The following SCAPER variants were observed in gnomAD, a reference collection of about 807,000 sequenced individuals.
SCAPER encodes the protein S phase cyclin A-associated protein in the endoplasmic reticulum.
In SCAPER, 98 loss-of-function variants were observed where a neutral mutation model predicts 182.2. The observed-to-expected ratio is 0.54, with a 90% CI of 0.46 to 0.64. The LOEUF (loss-of-function observed/expected upper bound fraction) is 0.64. Among genes scored for constraint, SCAPER ranks in the 30% least tolerant of loss-of-function variants. The pLI, the probability that SCAPER is intolerant of heterozygous loss-of-function variation, is 0.00. For synonymous variants in SCAPER, 605 were observed against 564.6 expected (o/e 1.07, Z -1.01); for missense variants, 1,432 against 1,690.0 (o/e 0.85, Z 2.68).
At chr15:76,726,091 A>G (rs2151003262) in intron 17 of SCAPER, among the ~76,000 whole-genome samples, 1 of 138,670 alleles carries the variant, frequency 7.2e-6, no homozygotes, top group East Asian at 2.2e-4. Flanking sequence ...AAATATCAGT[A>G]AATTCTATCT....
intron 8 of SCAPER, among the ~76,000 whole-genome samples, chr15:76,780,214 C>T (rs2151379206): frequency 6.6e-6 from 1 of 152,350 alleles, no homozygotes; most frequent in South Asian, 2.1e-4. Context: ...ACTGGAAGAC[C>T]AGGAGATTCT....
intron 17 of SCAPER, among the ~76,000 whole-genome samples, chr15:76,728,323 C>G (rs2060713900): frequency 6.6e-6 from 1 of 151,928 alleles, no homozygotes; most frequent in South Asian, 2.1e-4. Flanking sequence ...TAATTATGCC[C>G]TCAGTATCTT....
intron 8 of SCAPER, among the ~76,000 whole-genome samples, chr15:76,784,151 A>G (rs2064393585): frequency 6.6e-6 from 1 of 152,218 alleles, no homozygotes; most frequent in African/African-American, 2.4e-5. Flanking sequence ...TCTCTGCCCA[A>G]AATCTCCTTA....
chr15:76,716,491 A>G (rs1316275806), intron 17 of SCAPER, among the ~76,000 whole-genome samples: 1 of 152,182 alleles, frequency 6.6e-6, no homozygotes, highest in East Asian at 1.9e-4. Flanking sequence ...AATTTTCTAA[A>G]AAGGAATTCA....
intron 23 of SCAPER, among the ~76,000 whole-genome samples, chr15:76,562,954 G>T (rs952401637): frequency 6.6e-6 from 1 of 152,070 alleles, no homozygotes; most frequent in African/African-American, 2.4e-5. Context: ...TTTGATAGAA[G>T]GAAGCCATCA....
chr15:76,389,266 T>G (rs1487366206), intron 27 of SCAPER, among the ~76,000 whole-genome samples: 13 of 151,316 alleles, frequency 8.6e-5, no homozygotes, highest in African/African-American at 3.2e-4. Flanking sequence ...TTTGGGAGGC[T>G]GAGGTGGGCG....
intron 22 of SCAPER, among the ~76,000 whole-genome samples, chr15:76,597,915 C>A (rs2049627398): frequency 8.3e-6 from 1 of 120,756 alleles, no homozygotes; most frequent in African/African-American, 2.5e-5. Context: ...ACTAAAATAT[C>A]AAAAGCTATG....
At chr15:76,788,391 G>A (rs1158885640) in intron 8 of SCAPER, among the ~76,000 whole-genome samples, 1 of 152,086 alleles carries the variant, frequency 6.6e-6, no homozygotes, top group Admixed American at 6.5e-5. Context: ...ACAGAAAAGA[G>A]ACAATTTTTG....
intron 23 of SCAPER, among the ~76,000 whole-genome samples, chr15:76,521,188 C>T (rs2042806035): frequency 6.6e-6 from 1 of 152,020 alleles, no homozygotes; most frequent in Admixed American, 6.6e-5. Context: ...TTAGATGAGA[C>T]AAAGATATGC....
At chr15:76,782,803 G>A (rs991097224) in intron 8 of SCAPER, among the ~76,000 whole-genome samples, 5 of 152,026 alleles carry the variant, frequency 3.3e-5, no homozygotes, top group African/African-American at 1.2e-4. Flanking sequence ...ACGAAATAAA[G>A]GCAGAAATAA....
At chr15:76,605,668 T>C (rs1437780945) in intron 22 of SCAPER, among the ~76,000 whole-genome samples, 3 of 152,236 alleles carry the variant, frequency 2.0e-5, no homozygotes, top group Admixed American at 6.5e-5. Context: ...TTTCTTTGGT[T>C]GGTAAGCTAT....
At chr15:76,649,685 G>C (rs889845199) in intron 21 of SCAPER, among the ~76,000 whole-genome samples, 3 of 142,854 alleles carry the variant, frequency 2.1e-5, no homozygotes, top group African/African-American at 7.5e-5. Flanking sequence ...CTGCTGATCA[G>C]AAACAACCAA....
intron 26 of SCAPER, among the ~76,000 whole-genome samples, chr15:76,427,250 G>A (rs2046502991): frequency 1.3e-5 from 2 of 152,116 alleles, no homozygotes; most frequent in South Asian, 4.1e-4. Context: ...CTTTTACACA[G>A]CAAAGTTAAC....
intron 22 of SCAPER, among the ~76,000 whole-genome samples, chr15:76,609,261 A>G (rs1242101677): frequency 6.6e-6 from 1 of 151,904 alleles, no homozygotes; most frequent in Non-Finnish European, 1.5e-5. Context: ...CTGAGGCAAG[A>G]GGACTGCTTG....
intron 28 of SCAPER, 106 bp downstream of exon 28, chr15:76,381,272 T>C: frequency 1.3e-6 from 1 of 748,716 alleles, no homozygotes; most frequent in Non-Finnish European, 2.2e-6. Flanking sequence ...CCATTTATTG[T>C]AGTTTATTCC....
At chr15:76,527,515 C>A (rs886484663) in intron 23 of SCAPER, among the ~76,000 whole-genome samples, 3 of 152,210 alleles carry the variant, frequency 2.0e-5, no homozygotes, top group African/African-American at 7.2e-5. Flanking sequence ...AAACTGTGTG[C>A]TCTCTCTTCT....
rs954017526 is a variant in SCAPER, at chr15:76,627,708, G to T, written c.2646-5879C>A. Reference sequence around the variant, plus strand: ...CAGTTTATCGTTGATGGGCATTTGGGTTGATTCCATGTCTTTTTTATTGTG... The same window carrying T: ...CAGTTTATCGTTGATGGGCATTTGGTTTGATTCCATGTCTTTTTTATTGTG... On this transcript the variant is annotated intron_variant, in intron 21 of 31. Transcript: ENST00000563290. Among the ~76,000 whole-genome samples, 6 of 152,240 alleles carry T rather than the reference G, an allele frequency of 3.9e-5. No homozygotes were observed. In the East Asian group the frequency reaches 9.6e-4, roughly 24 times the overall value.
At chr15:76,374,284 G>A (rs1009376052) in intron 29 of SCAPER, among the ~76,000 whole-genome samples, 4 of 151,630 alleles carry the variant, frequency 2.6e-5, no homozygotes, top group African/African-American at 9.7e-5. Context: ...AGCTACTCAG[G>A]AGGCTGAGAC....
intron 20 of SCAPER, among the ~76,000 whole-genome samples, chr15:76,667,320 T>C (rs2056651570): frequency 6.6e-6 from 1 of 152,138 alleles, no homozygotes. Flanking sequence ...GGCTGCTCCT[T>C]CTAAGTCTTC....
Sources: gnomAD v4.1 joint callset for allele counts (sites outside exome capture counted in the v4.1 genomes callset) on GRCh38, gnomAD v4.1.1 for gene constraint, MANE v1.5 for transcripts, NCBI Gene and HGNC (gene_info 2026-07-23, HGNC 2026-07-21) for gene names.